CNGB1: variants seen among roughly 807,000 people sequenced by gnomAD.
CNGB1 encodes the protein cyclic nucleotide gated channel subunit beta 1.
Under a neutral mutation model 151.7 loss-of-function variants are expected in CNGB1, and 126 were observed. That is an observed-to-expected ratio of 0.83 (90% confidence interval 0.72 to 0.96). The LOEUF (loss-of-function observed/expected upper bound fraction) is 0.96. CNGB1 is among the 40% of genes least tolerant of loss of function. The pLI is 0.00. For synonymous variants in CNGB1, 623 were observed against 635.1 expected (o/e 0.98, Z 0.29); for missense variants, 1,698 against 1,627.0 (o/e 1.04, Z -0.75).
chr16:57,939,829 A>G (rs1961615243), intron 15 of CNGB1, among the ~76,000 whole-genome samples: 1 of 152,180 alleles, frequency 6.6e-6, no homozygotes, highest in Non-Finnish European at 1.5e-5. Flanking sequence ...GTCACCTGTG[A>G]TGAGGGACAC....
intron 27 of CNGB1, among the ~76,000 whole-genome samples, chr16:57,903,246 C>T (rs112948192): frequency 0.044 from 6,513 of 148,640 alleles, 210 homozygotes; most frequent in South Asian, 0.08. Context: ...AATCCCAGCA[C>T]TTTGGGAGCC....
rs1165170593 is a variant in CNGB1, at chr16:57,901,630, G to A, written c.2795-5C>T. ...GCACCATCAGCTCTGACTCATCTGT[G>A]AACAAGGCCTGGCAAGGGTCAGAGG... On this transcript the variant is annotated splice_polypyrimidine_tract_variant and splice_region_variant and intron_variant, in intron 27 of 32. Coordinates refer to ENST00000251102, the MANE Select transcript of CNGB1 (RefSeq NM_001297.5). The A allele has an allele frequency of 2.5e-6, 4 of 1,613,198 alleles. No homozygotes were observed. The highest frequency in any genetic ancestry group is 3.4e-6 in the Non-Finnish European group (4 of 1,179,676).
intron 12 of CNGB1, among the ~76,000 whole-genome samples, chr16:57,957,075 C>T (rs1962105128): frequency 6.6e-6 from 1 of 152,190 alleles, no homozygotes; most frequent in Non-Finnish European, 1.5e-5. Context: ...ACTGTTTTCC[C>T]TGGATAGAAG....
Position 57,903,891 on chromosome 16 carries a change from T to A in CNGB1, c.2725A>T (p.Ile909Phe), listed in dbSNP as rs1332546468. ...ACGCGGTTCTGCACGGACTTGGGGATCTTGTAGAAATTCATGTACTTCACC... is the reference window on the plus strand; with the variant it reads ...ACGCGGTTCTGCACGGACTTGGGGAACTTGTAGAAATTCATGTACTTCACC... Reference protein sequence around the residue: ...STVKYMNFYKIPKSVQNRVKT... With the variant: ...STVKYMNFYKFPKSVQNRVKT... The change falls in exon 27 of 33, where the codon ATC becomes TTC. Residue 909 changes from isoleucine (I) to phenylalanine (F), a missense_variant. Transcript: ENST00000251102. The A allele has an allele frequency of 6.2e-7, 1 of 1,614,146 alleles. No individual in the cohort carries two copies. Among genetic ancestry groups the A allele is most frequent in the Admixed American group, 1.7e-5 (1 of 60,018 alleles).
chr16:57,942,872 A>C (rs989187168), intron 14 of CNGB1, among the ~76,000 whole-genome samples: 1 of 151,984 alleles, frequency 6.6e-6, no homozygotes. Flanking sequence ...CAAAAAAAAA[A>C]AAAAACCCTA....
intron 8 of CNGB1, 46 bp from the exon 9 acceptor site, chr16:57,960,576 G>T: frequency 6.3e-7 from 1 of 1,596,038 alleles, no homozygotes; most frequent in Non-Finnish European, 8.6e-7. Flanking sequence ...AGCAAGCTCT[G>T]TGCGCTTCCC....
At position 57,883,597 on chromosome 16, in the gene CNGB1, T is replaced by C; in HGVS notation, c.*567A>G. On this transcript the variant is annotated 3_prime_UTR_variant, in exon 33 of 33. Transcript: ENST00000251102. The stretch of plus-strand genomic sequence containing the variant: ...ATTGTTTTTTTGTTTGTTTTTGTTT[T>C]TGTTTGAGATGAGGTCTCGCTATGT... 6.1e-6 allele frequency: 1 copy of C among 164,778 alleles called. No individual in the cohort carries two copies. Among genetic ancestry groups the C allele is most frequent in the South Asian group, 1.7e-4 (1 of 5,972 alleles). 10.2% of individuals were successfully genotyped at this position (164,778 alleles called of 1,614,324 possible). A position where few individuals can be genotyped will look rare whatever the true frequency, so the allele number is the denominator to read the frequency against.
intron 23 of CNGB1, among the ~76,000 whole-genome samples, chr16:57,913,393 C>A (rs1278386217): frequency 6.6e-6 from 1 of 152,134 alleles, no homozygotes; most frequent in African/African-American, 2.4e-5. Context: ...ACTCTTATAT[C>A]CTTCAAAGGT....
chr16:57,901,178 C>T (rs758243960), intron 29 of CNGB1, among the ~76,000 whole-genome samples, 174 bp downstream of exon 29: 6 of 152,286 alleles, frequency 3.9e-5, no homozygotes, highest in South Asian at 2.1e-4. Flanking sequence ...CCTCCTAATC[C>T]GCTCCTGCTC....
chr16:57,970,145 C>A (rs1962503064), intron 1 of CNGB1, among the ~76,000 whole-genome samples: 1 of 152,216 alleles, frequency 6.6e-6, no homozygotes, highest in African/African-American at 2.4e-5. Context: ...CCTGGCTCAG[C>A]CTCCCAAAAA....
In CNGB1 at chr16:57,902,003, TAA is replaced by T. The variant is rs1960405654; in HGVS notation, c.2795-380_2795-379del. Among the ~76,000 whole-genome samples the T allele has an allele frequency of 2.0e-5, 3 of 152,214 alleles. No individual in the cohort carries two copies. In the East Asian group the frequency reaches 5.8e-4, roughly 29 times the overall value. ...CTGGAAGGACAACATCAGCAAGAAC[TAA>T]AGTCTCTGGAGCACTTCTATGAGCC... On this transcript the variant is annotated intron_variant, in intron 27 of 32. Transcript: ENST00000251102.
intron 27 of CNGB1, among the ~76,000 whole-genome samples, chr16:57,903,185 C>CTTTT (rs60099371): frequency 8.6e-4 from 105 of 122,676 alleles, no homozygotes; most frequent in African/African-American, 2.8e-3. Flanking sequence ...GTCCTTCTTC[C>CTTTT]TTTTTTTTTT....
In CNGB1 at chr16:57,897,792, T is replaced by A. The variant is rs1960275196; in HGVS notation, c.3095+4A>T. The A allele has an allele frequency of 1.9e-6, 3 of 1,614,028 alleles. No homozygotes were observed. Among genetic ancestry groups the A allele is most frequent in the Non-Finnish European group, 2.5e-6 (3 of 1,179,872 alleles). ...CCCCTCACTTTACCCCAGCTGCGTC[T>A]GACCTTATTTCTCCAAACACAGATC... On this transcript the variant is annotated splice_donor_region_variant and intron_variant, in intron 30 of 32. Coordinates refer to ENST00000251102, the MANE Select transcript of CNGB1 (RefSeq NM_001297.5).
intron 23 of CNGB1, 77 bp from the exon 24 acceptor site, chr16:57,913,071 A>G: frequency 7.4e-7 from 1 of 1,348,270 alleles, no homozygotes. Flanking sequence ...GGGCGCCGAG[A>G]CTCAGGGCTC....
At chr16:57,899,138 T>C (rs1960315487) in intron 29 of CNGB1, among the ~76,000 whole-genome samples, 1 of 152,104 alleles carries the variant, frequency 6.6e-6, no homozygotes, top group African/African-American at 2.4e-5. Context: ...GCCTGGAGAA[T>C]GAATACAATG....
In CNGB1 at chr16:57,919,172, G is replaced by T. The variant is rs760835369; in HGVS notation, c.1884C>A (p.Asp628Glu). ...AEPVEEEHYC[D>E]MLCCKFKHRP... ...GGTGTTTGAACTTGCAGCAGAGCAT[G>T]TCGCAATAGTGCTCCTCTTCCACTG... The change falls in exon 20 of 33, where the codon GAC becomes GAA. Residue 628 changes from aspartate (D) to glutamate (E), a missense_variant. Asp to Glu is a conservative substitution (Grantham distance 45). Coordinates refer to ENST00000251102, the MANE Select transcript of CNGB1 (RefSeq NM_001297.5). The T allele has an allele frequency of 1.9e-6, 3 of 1,614,120 alleles. No homozygotes were observed. Among genetic ancestry groups the T allele is most frequent in the Admixed American group, 3.3e-5 (2 of 60,010 alleles).
intron 31 of CNGB1, among the ~76,000 whole-genome samples, chr16:57,888,693 C>A (rs1960006001): frequency 6.6e-6 from 1 of 152,170 alleles, no homozygotes; most frequent in Non-Finnish European, 1.5e-5. Context: ...CTCAAGCGAT[C>A]TACCCGCCTT....
chr16:57,940,886 G>T (rs1355515480), intron 14 of CNGB1, among the ~76,000 whole-genome samples: 1 of 152,068 alleles, frequency 6.6e-6, no homozygotes, highest in Non-Finnish European at 1.5e-5. Flanking sequence ...AAGTTTTCAT[G>T]GGTGCCGGGC....
chr16:57,963,144 G>T, intron 4 of CNGB1, 80 bp from the exon 5 acceptor site: 1 of 1,037,740 alleles, frequency 9.6e-7, no homozygotes, highest in Non-Finnish European at 1.5e-6. Flanking sequence ...CACTAGGTGA[G>T]TCTCTGTCCC....
Sources: gnomAD v4.1 joint callset for allele counts (sites outside exome capture counted in the v4.1 genomes callset) on GRCh38, gnomAD v4.1.1 for gene constraint, MANE v1.5 for transcripts, NCBI Gene and HGNC (gene_info 2026-07-23, HGNC 2026-07-21) for gene names.